Variants in FAM43A observed in about 807,000 individuals in gnomAD.
FAM43A encodes the protein family with sequence similarity 43 member A.
In FAM43A, 11 loss-of-function variants were observed where a neutral mutation model predicts 15.7. That is an observed-to-expected ratio of 0.70 (90% CI 0.44 to 1.16). The LOEUF is 1.16. Among genes scored for constraint, FAM43A ranks in the 50% most tolerant of loss-of-function variants. The probability of loss-of-function intolerance (pLI) is 0.00; values close to 1 mark genes in which losing one functional copy is unlikely to be tolerated. For missense variants in FAM43A, 573 were observed against 620.0 expected, an observed-to-expected ratio of 0.92 and a Z score of 0.80; for synonymous variants, 319 against 291.7, an observed-to-expected ratio of 1.09 and a Z score of -0.96.
chr3:194,686,561 C>G lies in FAM43A; in HGVS notation c.-266C>G, dbSNP rs1460379374. ...GCCCAGGCTGGGGTAATTCTGTGTG[C>G]GCGCGTGTCTCCCCCGCACCAACCT... On this transcript the variant is annotated 5_prime_UTR_variant, in exon 1 of 1. Coordinates refer to ENST00000329759, the MANE Select transcript of FAM43A (RefSeq NM_153690.5). The G allele has an allele frequency of 1.5e-5, 5 of 329,732 alleles. No individual in the cohort carries two copies. The highest frequency in any genetic ancestry group is 2.7e-5 in the Non-Finnish European group (5 of 183,872). The allele number at this position is 329,732 out of a possible 1,614,324, so 20.4% of individuals were successfully genotyped here. A position where few individuals can be genotyped will look rare whatever the true frequency, so the allele number is the denominator to read the frequency against.
At position 194,687,997 on chromosome 3, in the gene FAM43A, A is replaced by C. The variant is rs750002892; in HGVS notation, c.1171A>C (p.Ser391Arg). ...LLSGDSTGSE[S>R]SIEGGGPDAT... ...GTCAGGCGACAGCACGGGCAGCGAG[A>C]GCTCCATCGAGGGCGGGGGCCCTGA... is the stretch of plus-strand genomic sequence containing the variant. Residue 391 changes from serine to arginine, a missense_variant, in exon 1 of 1, where the codon AGC (serine) becomes CGC (arginine). Physicochemically the swap from Ser to Arg is moderately radical, Grantham distance 110. Transcript: ENST00000329759. The C allele has an allele frequency of 7.0e-7, 1 of 1,424,796 alleles. No individual in the cohort carries two copies. The highest frequency in any genetic ancestry group is 9.2e-7 in the Non-Finnish European group (1 of 1,089,730). 88.3% of individuals were successfully genotyped at this position (1,424,796 alleles called of 1,614,324 possible). A position where few individuals can be genotyped will look rare whatever the true frequency, so the allele number is the denominator to read the frequency against.
rs1371271050 is a variant in FAM43A at position 194,685,987 on chromosome 3, C to T, written c.-840C>T. On this transcript the variant is annotated 5_prime_UTR_variant, in exon 1 of 1. Coordinates refer to ENST00000329759, the MANE Select transcript of FAM43A (RefSeq NM_153690.5). ...AGAGCCCGGGAGCGGAGCTGGACAC[C>T]GCCTCGGAGGGAAGAAATGAGGTAG... Among the ~76,000 whole-genome samples, 2 of 152,192 alleles carry T rather than the reference C, an allele frequency of 1.3e-5. No homozygotes were observed. Among genetic ancestry groups the T allele is most frequent in the Admixed American group, 1.3e-4 (2 of 15,282 alleles).
Position 194,686,958 on chromosome 3 carries a change from A to C in FAM43A, c.132A>C (p.Glu44Asp). Reference protein sequence around the residue: ...ALSSLARACPEGALSRVGSMF... With the variant: ...ALSSLARACPDGALSRVGSMF... ...GCTCGCTGGCGCGGGCGTGCCCCGA[A>C]GGCGCGCTTAGCCGGGTGGGCAGCA... The change falls in exon 1 of 1, where the codon GAA becomes GAC. Residue 44 changes from glutamate (E) to aspartate (D), a missense_variant. Coordinates refer to ENST00000329759, the MANE Select transcript of FAM43A (RefSeq NM_153690.5). 2 of 1,610,602 alleles carry C rather than the reference A, an allele frequency of 1.2e-6. No homozygotes were observed. Among genetic ancestry groups the C allele is most frequent in the Non-Finnish European group, 1.7e-6 (2 of 1,177,972 alleles).
chr3:194,686,836 T>A lies in FAM43A; in HGVS notation c.10T>A (p.Trp4Arg). 1 of 1,575,554 alleles carries A rather than the reference T, an allele frequency of 6.3e-7. No homozygotes were observed. The highest frequency in any genetic ancestry group is 1.8e-5 in the Admixed American group (1 of 55,920). The change falls in exon 1 of 1, where the codon TGG (tryptophan) becomes AGG (arginine). Residue 4 changes from tryptophan to arginine, a missense_variant. By Grantham distance (101) the Trp-to-Arg change is moderately radical (BLOSUM62 -3). Coordinates refer to ENST00000329759, the MANE Select transcript of FAM43A (RefSeq NM_153690.5). The part of the protein sequence containing the change: MLP[W>R]KKHKFELLAE... ...GGGGCGCCCTCCGGAGATGCTGCCG[T>A]GGAAGAAGCACAAGTTCGAGCTGCT...
In FAM43A at chr3:194,687,811, G is replaced by T. The variant is rs1477850026; in HGVS notation, c.985G>T (p.Gly329Trp). The T allele has an allele frequency of 3.4e-6, 5 of 1,453,336 alleles. No individual in the cohort carries two copies. The highest frequency in any genetic ancestry group is 2.0e-4 in the Middle Eastern group (1 of 5,104). The allele number at this position is 1,453,336 out of a possible 1,614,324, so 90.0% of individuals were successfully genotyped here. ...NGRGEALGGG[G>W]GSLGPGAGPP... ...CCGTGGGGAGGCGCTAGGAGGCGGC[G>T]GGGGCTCCCTGGGCCCGGGGGCCGG... Residue 329 changes from glycine to tryptophan, a missense_variant, in exon 1 of 1, where the codon GGG (glycine) becomes TGG (tryptophan). Physicochemically the swap from Gly to Trp is radical, Grantham distance 184. Transcript: ENST00000329759.
chr3:194,687,887 C>T lies in FAM43A; in HGVS notation c.1061C>T (p.Ser354Leu), dbSNP rs1719459157. ...GCCTCCGACATGAAGGCTGAGCTGTCGCAACTTATTAGCGACCTGGGCGAG... is the reference window on the plus strand; with the variant it reads ...GCCTCCGACATGAAGGCTGAGCTGTTGCAACTTATTAGCGACCTGGGCGAG... ...GSASDMKAEL[S>L]QLISDLGELS... The change falls in exon 1 of 1, where the codon TCG becomes TTG. Residue 354 changes from serine to leucine, a missense_variant. Ser to Leu is a moderately radical substitution (Grantham distance 145). Transcript: ENST00000329759. The T allele has an allele frequency of 6.8e-7, 1 of 1,470,246 alleles. No homozygotes were observed. Among genetic ancestry groups the T allele is most frequent in the Non-Finnish European group, 9.0e-7 (1 of 1,110,904 alleles). 91.1% of individuals were successfully genotyped at this position (1,470,246 alleles called of 1,614,324 possible). A position where few individuals can be genotyped will look rare whatever the true frequency, so the allele number is the denominator to read the frequency against.
At position 194,685,920 on chromosome 3, in the gene FAM43A, C is replaced by T. The variant is rs1253356604; in HGVS notation, c.-907C>T. 2.0e-5 allele frequency among the ~76,000 whole-genome samples: 3 copies of T among 152,354 alleles called. No homozygotes were observed. Among genetic ancestry groups the T allele is most frequent in the South Asian group, 2.1e-4 (1 of 4,834 alleles). ...CAGGCGAGCCGGACGCCGCTCGCAGCACCGGAGAGGGCGCACTGCAAAGGC... is the reference window on the plus strand; with the variant it reads ...CAGGCGAGCCGGACGCCGCTCGCAGTACCGGAGAGGGCGCACTGCAAAGGC... On this transcript the variant is annotated 5_prime_UTR_variant, in exon 1 of 1. Transcript: ENST00000329759.
Position 194,687,798 on chromosome 3 carries a change from G to T in FAM43A, c.972G>T (p.Ala324=). 6.9e-7 allele frequency: 1 copy of T among 1,458,668 alleles called. No homozygotes were observed. The highest frequency in any genetic ancestry group is 2.5e-5 in the East Asian group (1 of 39,912). 90.4% of individuals were successfully genotyped at this position (1,458,668 alleles called of 1,614,324 possible). The part of the protein sequence containing the change: ...LDTLENGRGE[A]LGGGGGSLGP... ...CTCTGGAGAATGGCCGTGGGGAGGCGCTAGGAGGCGGCGGGGGCTCCCTGG... is the reference window on the plus strand; with the variant it reads ...CTCTGGAGAATGGCCGTGGGGAGGCTCTAGGAGGCGGCGGGGGCTCCCTGG... The change falls in exon 1 of 1, where the codon GCG becomes GCT. Residue 324 remains alanine, a synonymous_variant. Coordinates refer to ENST00000329759, the MANE Select transcript of FAM43A (RefSeq NM_153690.5).
rs781397019 is a variant in FAM43A at position 194,685,932 on chromosome 3, C to G, written c.-895C>G. The stretch of plus-strand genomic sequence containing the variant: ...ACGCCGCTCGCAGCACCGGAGAGGG[C>G]GCACTGCAAAGGCGGGCAGCAGACC... On this transcript the variant is annotated 5_prime_UTR_variant, in exon 1 of 1. Transcript: ENST00000329759. Among the ~76,000 whole-genome samples the G allele has an allele frequency of 7.9e-5, 12 of 152,344 alleles. No homozygotes were observed. Among genetic ancestry groups the G allele is most frequent in the Admixed American group, 3.9e-4 (6 of 15,308 alleles).
Position 194,686,406 on chromosome 3 carries a change from G to A in FAM43A, c.-421G>A, listed in dbSNP as rs573661248. On this transcript the variant is annotated 5_prime_UTR_variant, in exon 1 of 1. Transcript: ENST00000329759. ...TTCCTGCATATTCTTGCACCATCCC[G>A]GGTGCTGTTGCTGGGGCTCTCTTTA... The A allele has an allele frequency of 6.2e-6, 1 of 160,096 alleles. No individual in the cohort carries two copies. Among genetic ancestry groups the A allele is most frequent in the African/African-American group, 2.4e-5 (1 of 41,816 alleles). 9.9% of individuals were successfully genotyped at this position (160,096 alleles called of 1,614,324 possible).
chr3:194,686,919 C>T lies in FAM43A; in HGVS notation c.93C>T (p.His31=). ...CCAAGGGCTACGCTGTGAGCCTGCA[C>T]TACTCGGCGCTCAGCTCGCTGGCGC... ...SKPKGYAVSL[H]YSALSSLARA... The change falls in exon 1 of 1, where the codon CAC becomes CAT. Residue 31 remains histidine (H), a synonymous_variant. Transcript: ENST00000329759. The T allele has an allele frequency of 6.2e-7, 1 of 1,610,058 alleles. No homozygotes were observed. Among genetic ancestry groups the T allele is most frequent in the Non-Finnish European group, 8.5e-7 (1 of 1,178,086 alleles).
chr3:194,688,268 C>T lies in FAM43A; in HGVS notation c.*170C>T, dbSNP rs1560237322. 2.7e-6 allele frequency: 2 copies of T among 743,452 alleles called. No individual in the cohort carries two copies. Among genetic ancestry groups the T allele is most frequent in the East Asian group, 3.4e-5 (1 of 29,346 alleles). 46.1% of individuals were successfully genotyped at this position (743,452 alleles called of 1,614,324 possible). ...CCGACCGCTTTCCCCTACCTCCCGG[C>T]CCCCGCTCCCGCCCCAGCACTTTTG... On this transcript the variant is annotated 3_prime_UTR_variant, in exon 1 of 1. Transcript: ENST00000329759.
rs1430005240 is a variant in FAM43A, at chr3:194,686,572, C to T, written c.-255C>T. 1.7e-5 allele frequency: 6 copies of T among 350,204 alleles called. No individual in the cohort carries two copies. The highest frequency in any genetic ancestry group is 9.8e-5 in the Admixed American group (2 of 20,416). The allele number at this position is 350,204 out of a possible 1,614,324, so 21.7% of individuals were successfully genotyped here. The stretch of plus-strand genomic sequence containing the variant: ...GGTAATTCTGTGTGCGCGCGTGTCT[C>T]CCCCGCACCAACCTTTTTTGCACAC... On this transcript the variant is annotated 5_prime_UTR_variant, in exon 1 of 1. Transcript: ENST00000329759.
rs1375965860 is a variant in FAM43A at position 194,687,810 on chromosome 3, C to T, written c.984C>T (p.Gly328=). The T allele has an allele frequency of 1.7e-5, 24 of 1,451,218 alleles. No homozygotes were observed. Among genetic ancestry groups the T allele is most frequent in the Non-Finnish European group, 2.1e-5 (23 of 1,098,990 alleles). 89.9% of individuals were successfully genotyped at this position (1,451,218 alleles called of 1,614,324 possible). ...GCCGTGGGGAGGCGCTAGGAGGCGG[C>T]GGGGGCTCCCTGGGCCCGGGGGCCG... ...ENGRGEALGG[G]GGSLGPGAGP... is the part of the protein sequence containing the mutation. The change falls in exon 1 of 1, where the codon GGC becomes GGT. Residue 328 remains glycine, a synonymous_variant. Coordinates refer to ENST00000329759, the MANE Select transcript of FAM43A (RefSeq NM_153690.5).
chr3:194,686,749 GGGCC>G lies in FAM43A; in HGVS notation c.-75_-72del. 1 of 1,300,688 alleles carries G rather than the reference GGGCC, an allele frequency of 7.7e-7. No individual in the cohort carries two copies. The highest frequency in any genetic ancestry group is 3.2e-5 in the East Asian group (1 of 31,530). 80.6% of individuals were successfully genotyped at this position (1,300,688 alleles called of 1,614,324 possible). A position where few individuals can be genotyped will look rare whatever the true frequency, so the allele number is the denominator to read the frequency against. ...ATCTTGCCCGGGCCGAGCCTGGCAG[GGGCC>G]GGTGGCTCAGCGGGCCTCGCACCCG... On this transcript the variant is annotated 5_prime_UTR_variant, in exon 1 of 1. Coordinates refer to ENST00000329759, the MANE Select transcript of FAM43A (RefSeq NM_153690.5).
chr3:194,687,492 G>A lies in FAM43A; in HGVS notation c.666G>A (p.Pro222=), dbSNP rs748069915. The A allele has an allele frequency of 1.3e-6, 2 of 1,541,960 alleles. No homozygotes were observed. The highest frequency in any genetic ancestry group is 1.8e-6 in the Non-Finnish European group (2 of 1,141,250). ...AGCTGGTGGGCGCACACACCATCCC[G>A]CTAGTGCCGCTGCGCAAGCTGCTCC... is the stretch of plus-strand genomic sequence containing the variant. ...QQELVGAHTI[P]LVPLRKLLLH... Residue 222 remains proline (P), a synonymous_variant, in exon 1 of 1, where the codon CCG becomes CCA. Transcript: ENST00000329759.
chr3:194,686,236 A>C lies in FAM43A; in HGVS notation c.-591A>C, dbSNP rs1292830803. Among the ~76,000 whole-genome samples the C allele has an allele frequency of 6.6e-6, 1 of 152,150 alleles. No individual in the cohort carries two copies. The highest frequency in any genetic ancestry group is 1.5e-5 in the Non-Finnish European group (1 of 68,018). On this transcript the variant is annotated 5_prime_UTR_variant, in exon 1 of 1. Coordinates refer to ENST00000329759, the MANE Select transcript of FAM43A (RefSeq NM_153690.5). The stretch of plus-strand genomic sequence containing the variant: ...CGAGCTGCTGACTTGAGACCAGCCC[A>C]AACGGGGGGCTTTCCATCTCCAGCA...
Position 194,687,853 on chromosome 3 carries a change from C to T in FAM43A, c.1027C>T (p.Leu343=), listed in dbSNP as rs753105780. 1.4e-5 allele frequency: 21 copies of T among 1,455,568 alleles called. 1 individual carries two copies. In the African/African-American group the frequency reaches 2.4e-4, roughly 17 times the overall value. 90.2% of individuals were successfully genotyped at this position (1,455,568 alleles called of 1,614,324 possible). The change falls in exon 1 of 1, where the codon CTG becomes TTG. Residue 343 remains leucine, a synonymous_variant. Transcript: ENST00000329759. ...GGGGGCCGGGCCGCCGCCTCTGCTG[C>T]TGGGCAGCGCCTCCGACATGAAGGC... ...GPGAGPPPLL[L]GSASDMKAEL...
At position 194,688,118 on chromosome 3, in the gene FAM43A, G is replaced by A; in HGVS notation, c.*20G>A. On this transcript the variant is annotated 3_prime_UTR_variant, in exon 1 of 1. Transcript: ENST00000329759. Reference sequence around the variant, plus strand: ...GGCTGAGCTCCTCCGCGCGTCGCCGGCGCTCCACCGTGGCTACCCATCCGT... The same window carrying A: ...GGCTGAGCTCCTCCGCGCGTCGCCGACGCTCCACCGTGGCTACCCATCCGT... The A allele has an allele frequency of 7.6e-7, 1 of 1,322,634 alleles. No homozygotes were observed. The allele number at this position is 1,322,634 out of a possible 1,614,324, so 81.9% of individuals were successfully genotyped here.
Sources: gnomAD v4.1 joint callset for allele counts (sites outside exome capture counted in the v4.1 genomes callset) on GRCh38, gnomAD v4.1.1 for gene constraint, MANE v1.5 for transcripts, NCBI Gene and HGNC (gene_info 2026-07-23, HGNC 2026-07-21) for gene names.